EIF4A1: variants seen among roughly 807,000 people sequenced by gnomAD.
EIF4A1 encodes the protein eukaryotic initiation factor 4A-I.
Under a neutral mutation model 53.5 loss-of-function variants are expected in EIF4A1, and 11 were observed. The ratio of observed to expected loss-of-function variants is 0.21; its 90% confidence interval spans 0.13 to 0.34. EIF4A1 has a LOEUF of 0.34. EIF4A1 is among the 10% of genes least tolerant of loss of function. The pLI is 1.00. For missense variants in EIF4A1, 213 were observed against 530.8 expected (o/e 0.40, Z 5.88); for synonymous variants, 237 against 186.7 (o/e 1.27, Z -2.20).
At chr17:7,573,266 C>T (rs376146801) in intron 1 of EIF4A1, 7 of 360,506 alleles carry the variant, frequency 1.9e-5, no homozygotes, top group African/African-American at 1.1e-4. Context: ...CGCGGGGTTC[C>T]GGAGCATTCT....
At chr17:7,578,007 C>T in intron 9 of EIF4A1, 91 bp downstream of exon 9, 1 of 1,582,754 alleles carries the variant, frequency 6.3e-7, no homozygotes, top group Non-Finnish European at 8.7e-7. Context: ...AGGAAAGTAG[C>T]AGCTTGGAAT....
At chr17:7,576,475 C>T (rs1218935199) in intron 4 of EIF4A1, 49 bp from the exon 5 acceptor site, 3 of 1,502,768 alleles carry the variant, frequency 2.0e-6, no homozygotes, top group South Asian at 1.4e-5. Context: ...AAGAATGGTG[C>T]CGGGCACAGT....
intron 9 of EIF4A1, 65 bp from the exon 10 acceptor site, chr17:7,578,100 G>GT (rs1439772263): frequency 6.2e-7 from 1 of 1,609,684 alleles, no homozygotes; most frequent in East Asian, 2.2e-5. Flanking sequence ...GGATGCCTAA[G>GT]TGTCTTCCCT....
rs767393553 is a variant in EIF4A1 at position 7,578,508 on chromosome 17, C to G, written c.*22C>G. 102 of 1,559,410 alleles carry G rather than the reference C, an allele frequency of 6.5e-5. No individual in the cohort carries two copies. Among genetic ancestry groups the G allele is most frequent in the Non-Finnish European group, 8.7e-5 (100 of 1,150,012 alleles). ...CTGAGGGGCTGTCCTGCCACCCAGC[C>G]CCAGCCAGGGCTCAATCTCTGGGGG... On this transcript the variant is annotated 3_prime_UTR_variant, in exon 11 of 11. Coordinates refer to ENST00000293831, the MANE Select transcript of EIF4A1 (RefSeq NM_001416.4).
At position 7,576,532 on chromosome 17, in the gene EIF4A1, G is replaced by A; in HGVS notation, c.354G>A (p.Lys118=). The A allele has an allele frequency of 1.3e-6, 2 of 1,585,734 alleles. No individual in the cohort carries two copies. The highest frequency in any genetic ancestry group is 1.7e-6 in the Non-Finnish European group (2 of 1,164,054). ...PTRELAQQIQ[K]VVMALGDYMG... ...TGCCTCTCTCTGCTCAGATACAGAA[G>A]GTGGTCATGGCACTAGGAGACTACA... Residue 118 remains lysine, a synonymous_variant, in exon 5 of 11, where the codon AAG becomes AAA. Transcript: ENST00000293831.
At chr17:7,576,425 C>T (rs1364354664) in intron 4 of EIF4A1, 99 bp from the exon 5 acceptor site, 7 of 1,443,470 alleles carry the variant, frequency 4.8e-6, no homozygotes, top group Non-Finnish European at 5.5e-6. Flanking sequence ...AGTGCATGCC[C>T]CAAAGTTGTT....
rs986742576 is a variant in EIF4A1 at position 7,577,763 on chromosome 17, G to A, written c.906+57G>A. Reference sequence around the variant, plus strand: ...TCTGCCCGTCAGAAGTGTCCTACTTGAAGCCAGGGTTCCTGGAACCCAGGT... The same window carrying A: ...TCTGCCCGTCAGAAGTGTCCTACTTAAAGCCAGGGTTCCTGGAACCCAGGT... On this transcript the variant is annotated intron_variant, in intron 8 of 10. Coordinates refer to ENST00000293831, the MANE Select transcript of EIF4A1 (RefSeq NM_001416.4). The surrounding 1 kb of genome is among the most constrained non-coding windows in gnomAD (Gnocchi z 4.7). The A allele has an allele frequency of 1.9e-6, 3 of 1,613,894 alleles. No homozygotes were observed. The highest frequency in any genetic ancestry group is 2.5e-6 in the Non-Finnish European group (3 of 1,180,012).
rs1458283919 is a variant in EIF4A1, at chr17:7,575,278, C to T, written c.345+20C>T. The T allele has an allele frequency of 6.2e-7, 1 of 1,613,656 alleles. No homozygotes were observed. The highest frequency in any genetic ancestry group is 1.7e-5 in the Admixed American group (1 of 60,000). On this transcript the variant is annotated intron_variant, in intron 4 of 10. Transcript: ENST00000293831. ...CAGCAGGTAAGAGTGGCTTCTATTC[C>T]CTCCTTCAGGGCTGATTTAGGGATG... is the stretch of plus-strand genomic sequence containing the variant.
At chr17:7,573,028 G>A (rs1027763127) in intron 1 of EIF4A1, among the ~76,000 whole-genome samples, 164 bp downstream of exon 1, 7 of 152,144 alleles carry the variant, frequency 4.6e-5, no homozygotes, top group African/African-American at 1.7e-4. Flanking sequence ...CACGGCCGAC[G>A]CGGCCACCAG....
intron 4 of EIF4A1, 31 bp downstream of exon 4, chr17:7,575,289 G>T: frequency 6.2e-7 from 1 of 1,613,014 alleles, no homozygotes. Flanking sequence ...CTCCTTCAGG[G>T]CTGATTTAGG....
Position 7,578,576 on chromosome 17 carries a change from G to A in EIF4A1, c.*90G>A, listed in dbSNP as rs2071434754. ...GGGGGAGGGAAGGGAGCCAAGGGAT[G>A]GACATCTTGTCATTTTTTTTCTTTG... is the stretch of plus-strand genomic sequence containing the variant. On this transcript the variant is annotated 3_prime_UTR_variant, in exon 11 of 11. Transcript: ENST00000293831. 1.4e-5 allele frequency: 20 copies of A among 1,385,550 alleles called. No individual in the cohort carries two copies. Among genetic ancestry groups the A allele is most frequent in the Non-Finnish European group, 1.9e-5 (20 of 1,057,428 alleles). 85.8% of individuals were successfully genotyped at this position (1,385,550 alleles called of 1,614,324 possible).
chr17:7,575,078 T>A, intron 3 of EIF4A1, 41 bp from the exon 4 acceptor site: 2 of 1,609,080 alleles, frequency 1.2e-6, no homozygotes, highest in Admixed American at 3.3e-5. Flanking sequence ...TCCCAAAGGG[T>A]ATGCTCTTTA....
rs200487484 is a variant in EIF4A1 at position 7,577,996 on chromosome 17, C to G, written c.996+80C>G. 2.4e-4 allele frequency: 385 copies of G among 1,592,320 alleles called. No individual in the cohort carries two copies. Among genetic ancestry groups the G allele is most frequent in the Middle Eastern group, 3.3e-4 (2 of 6,014 alleles). On this transcript the variant is annotated intron_variant, in intron 9 of 10. Coordinates refer to ENST00000293831, the MANE Select transcript of EIF4A1 (RefSeq NM_001416.4). This position sits in a 1 kb window ranked among gnomAD's most constrained non-coding sequence, Gnocchi z 4.7. ...TCTCCAAGGGGACATCAGTGCCTCT[C>G]AGGAAAGTAGCAGCTTGGAATAGAA...
rs1371046744 is a variant in EIF4A1, at chr17:7,572,944, G to C, written c.23+80G>C. 2.5e-6 allele frequency: 4 copies of C among 1,613,074 alleles called. No individual in the cohort carries two copies. In the East Asian group the frequency reaches 8.9e-5, roughly 36 times the overall value. ...ACGGGCCCGCCGGGGGTAGCTGAGA[G>C]GCCCACCAGGGTTGCGGGAGAAACC... On this transcript the variant is annotated intron_variant, in intron 1 of 10. Coordinates refer to ENST00000293831, the MANE Select transcript of EIF4A1 (RefSeq NM_001416.4).
chr17:7,577,280 C>A lies in EIF4A1; in HGVS notation c.625-64C>A. 6.3e-7 allele frequency: 1 copy of A among 1,595,990 alleles called. No homozygotes were observed. The highest frequency in any genetic ancestry group is 1.1e-5 in the South Asian group (1 of 88,446). On this transcript the variant is annotated intron_variant, in intron 6 of 10. Transcript: ENST00000293831. This position sits in a 1 kb window ranked among gnomAD's most constrained non-coding sequence, Gnocchi z 4.7. Reference sequence around the variant, plus strand: ...GCATCTGCTTCAGTTTTAGGTGTGGCTAGGGAAGGGAGCAGGCCTCAGGAA... The same window carrying A: ...GCATCTGCTTCAGTTTTAGGTGTGGATAGGGAAGGGAGCAGGCCTCAGGAA...
Position 7,578,722 on chromosome 17 carries a change from A to C in EIF4A1, c.*236A>C. The C allele has an allele frequency of 3.3e-5, 12 of 364,334 alleles. No homozygotes were observed. Among genetic ancestry groups the C allele is most frequent in the East Asian group, 4.7e-5 (1 of 21,302 alleles). The allele number at this position is 364,334 out of a possible 1,614,324, so 22.6% of individuals were successfully genotyped here. On this transcript the variant is annotated 3_prime_UTR_variant, in exon 11 of 11. Transcript: ENST00000293831. The stretch of plus-strand genomic sequence containing the variant: ...TCCCAAAAAAAAAAAAAAAACACTA[A>C]TCCATTTCCCTAACCTAGTAACCTC...
intron 4 of EIF4A1, chr17:7,575,711 C>G (rs1056987223): frequency 3.5e-6 from 1 of 288,248 alleles, no homozygotes; most frequent in South Asian, 3.4e-5. Flanking sequence ...TTTAAATGTT[C>G]TGTGGCAGGG....
rs763223959 is a variant in EIF4A1, at chr17:7,578,104, C to T, written c.997-61C>T. 8.7e-6 allele frequency: 14 copies of T among 1,610,850 alleles called. No homozygotes were observed. The South Asian group carries it at 1.2e-4, about 14-fold the overall frequency. ...GCTGCCCACATGGATGCCTAAGTGT[C>T]TTCCCTCCGGGATAGAGTGTCCTCC... is the stretch of plus-strand genomic sequence containing the variant. On this transcript the variant is annotated intron_variant, in intron 9 of 10. Coordinates refer to ENST00000293831, the MANE Select transcript of EIF4A1 (RefSeq NM_001416.4).
In EIF4A1 at chr17:7,578,907, G is replaced by A. The variant is rs894062809; in HGVS notation, c.*421G>A. 4 of 161,880 alleles carry A rather than the reference G, an allele frequency of 2.5e-5. No individual in the cohort carries two copies. Among genetic ancestry groups the A allele is most frequent in the African/African-American group, 9.6e-5 (4 of 41,702 alleles). The allele number at this position is 161,880 out of a possible 1,614,324, so 10.0% of individuals were successfully genotyped here. A position where few individuals can be genotyped will look rare whatever the true frequency, so the allele number is the denominator to read the frequency against. On this transcript the variant is annotated 3_prime_UTR_variant, in exon 11 of 11. Coordinates refer to ENST00000293831, the MANE Select transcript of EIF4A1 (RefSeq NM_001416.4). ...GGTTGTCCCCAGGTGGGGGGAAGCA[G>A]GGGAGAGAAAATGGTAGCCATTTTT...
Sources: allele counts gnomAD v4.1 joint callset (sites outside exome capture counted in the v4.1 genomes callset), GRCh38; gene constraint gnomAD v4.1.1; non-coding constraint Gnocchi (gnomAD v3.1); transcripts MANE v1.5; gene names NCBI Gene and HGNC (gene_info 2026-07-23, HGNC 2026-07-21).